ALDH1A1: variants seen among roughly 807,000 people sequenced by gnomAD.
ALDH1A1 encodes the protein aldehyde dehydrogenase 1 family member A1, also known as aldehyde dehydrogenase 1A1.
In ALDH1A1, 19 loss-of-function variants were observed where a neutral mutation model predicts 62.1. The observed-to-expected ratio is 0.31, with a 90% CI of 0.21 to 0.45. The LOEUF (loss-of-function observed/expected upper bound fraction) is 0.45. Among genes scored for constraint, ALDH1A1 ranks in the 20% least tolerant of loss-of-function variants. The pLI is 1.00. For synonymous variants in ALDH1A1, 231 were observed against 215.9 expected (o/e 1.07, Z -0.61); for missense variants, 521 against 607.1 (o/e 0.86, Z 1.49).
At chr9:72,937,581 A>T (rs550843071) in intron 2 of ALDH1A1, among the ~76,000 whole-genome samples, 2 of 152,286 alleles carry the variant, frequency 1.3e-5, no homozygotes, top group African/African-American at 4.8e-5. Flanking sequence ...AACATTGAAA[A>T]TCTACGCTCT....
intron 4 of ALDH1A1, among the ~76,000 whole-genome samples, chr9:72,928,485 G>A (rs900069985): frequency 2.0e-5 from 3 of 152,060 alleles, no homozygotes; most frequent in African/African-American, 7.2e-5. Context: ...ACTTATACTG[G>A]AACATGTAAA....
chr9:72,907,518 T>C (rs758422280), intron 11 of ALDH1A1, among the ~76,000 whole-genome samples: 6 of 152,142 alleles, frequency 3.9e-5, no homozygotes, highest in Non-Finnish European at 8.8e-5. Context: ...TAGTCGAAAA[T>C]ACAAAACTGA....
intron 2 of ALDH1A1, among the ~76,000 whole-genome samples, chr9:72,933,031 G>T (rs1236588066): frequency 1.3e-5 from 2 of 152,174 alleles, no homozygotes; most frequent in Non-Finnish European, 2.9e-5. Context: ...TATAAATAAA[G>T]ATGTTCTTAT....
rs4646539 is a variant in ALDH1A1 at position 72,952,371 on chromosome 9, A to G, written c.66+564T>C. Among the ~76,000 whole-genome samples the G allele has an allele frequency of 2.0e-4, 31 of 152,136 alleles. 2 individuals carry two copies. The East Asian group carries it at 5.8e-3, about 28-fold the overall frequency. ...TTACACATCTGCTCCAATGGCAACA[A>G]ACTTGGCTGAAGAAATAATGCTTTT... On this transcript the variant is annotated intron_variant, in intron 1 of 12. Coordinates refer to ENST00000297785, the MANE Select transcript of ALDH1A1 (RefSeq NM_000689.5).
chr9:72,929,763 T>G (rs1379809649), intron 3 of ALDH1A1, among the ~76,000 whole-genome samples: 1 of 152,194 alleles, frequency 6.6e-6, no homozygotes, highest in Non-Finnish European at 1.5e-5. Flanking sequence ...TAAAGCTATT[T>G]GTTTCTGTAC....
chr9:72,920,165 A>G (rs990533433), intron 7 of ALDH1A1, among the ~76,000 whole-genome samples: 2 of 152,146 alleles, frequency 1.3e-5, no homozygotes, highest in African/African-American at 4.8e-5. Flanking sequence ...GTATGTTTAG[A>G]TTTTATGTGG....
chr9:72,935,791 A>G (rs1240619395), intron 2 of ALDH1A1, among the ~76,000 whole-genome samples: 2 of 152,158 alleles, frequency 1.3e-5, no homozygotes, highest in Non-Finnish European at 2.9e-5. Flanking sequence ...CTACTTACAA[A>G]TTAAATCCCT....
intron 1 of ALDH1A1, among the ~76,000 whole-genome samples, chr9:72,940,869 G>A (rs2118568592): frequency 6.6e-6 from 1 of 152,198 alleles, no homozygotes; most frequent in Non-Finnish European, 1.5e-5. Flanking sequence ...TGGTAACTAT[G>A]AGAAATAGAC....
intron 11 of ALDH1A1, among the ~76,000 whole-genome samples, chr9:72,906,436 C>A (rs1490103279): frequency 6.6e-6 from 1 of 152,168 alleles, no homozygotes; most frequent in Non-Finnish European, 1.5e-5. Context: ...CTGTACTTAA[C>A]AGGCTAGAAT....
chr9:72,946,751 C>A (rs969459653), intron 1 of ALDH1A1, among the ~76,000 whole-genome samples: 6 of 151,902 alleles, frequency 3.9e-5, no homozygotes, highest in Admixed American at 3.3e-4. Flanking sequence ...TGCACCCCCC[C>A]ACACCACCAT....
At chr9:72,945,851 A>C (rs992225916) in intron 1 of ALDH1A1, among the ~76,000 whole-genome samples, 7 of 152,118 alleles carry the variant, frequency 4.6e-5, no homozygotes, top group African/African-American at 1.7e-4. Context: ...AAAATTTTTA[A>C]CTGTCATCAA....
chr9:72,908,029 G>A (rs1024546231), intron 11 of ALDH1A1, among the ~76,000 whole-genome samples: 1 of 152,002 alleles, frequency 6.6e-6, no homozygotes, highest in Non-Finnish European at 1.5e-5. Flanking sequence ...TTGTGTTAAT[G>A]TATACCCTCC....
At chr9:72,909,155 CTTTTTTTT>C (rs5898281) in intron 11 of ALDH1A1, among the ~76,000 whole-genome samples, 2 of 75,534 alleles carry the variant, frequency 2.6e-5, no homozygotes, top group African/African-American at 1.1e-4. Flanking sequence ...TCCAATACAG[CTTTTTTTT>C]TTTTTTTTTT....
At chr9:72,916,740 A>G (rs1054772763) in intron 9 of ALDH1A1, among the ~76,000 whole-genome samples, 180 bp downstream of exon 9, 3 of 152,194 alleles carry the variant, frequency 2.0e-5, no homozygotes, top group South Asian at 2.1e-4. Context: ...GGGCAACACA[A>G]AAACAGGATG....
Position 72,925,372 on chromosome 9 carries a change from G to T in ALDH1A1, c.633+112C>A, listed in dbSNP as rs557546236. On this transcript the variant is annotated intron_variant, in intron 6 of 12. Coordinates refer to ENST00000297785, the MANE Select transcript of ALDH1A1 (RefSeq NM_000689.5). Reference sequence around the variant, plus strand: ...TCATGCTAAATGTATTCCCCCCACTGGACAGGAGCCATCTGTAAATAATGT... The same window carrying T: ...TCATGCTAAATGTATTCCCCCCACTTGACAGGAGCCATCTGTAAATAATGT... 1.6e-3 allele frequency: 2,085 copies of T among 1,294,576 alleles called. 2 individuals carry two copies. The highest frequency in any genetic ancestry group is 1.9e-3 in the Non-Finnish European group (1,835 of 944,218). 80.2% of individuals were successfully genotyped at this position (1,294,576 alleles called of 1,614,324 possible). A position where few individuals can be genotyped will look rare whatever the true frequency, so the allele number is the denominator to read the frequency against.
chr9:72,922,226 A>G (rs879816154), intron 7 of ALDH1A1, among the ~76,000 whole-genome samples: 2 of 152,172 alleles, frequency 1.3e-5, no homozygotes, highest in Admixed American at 1.3e-4. Context: ...CAACTCAGTA[A>G]ATTTGATCTC....
chr9:72,909,900 A>G, intron 10 of ALDH1A1, 141 bp from the exon 11 acceptor site: 3 of 653,270 alleles, frequency 4.6e-6, no homozygotes, highest in Non-Finnish European at 7.2e-6. Context: ...GTGAGAATCC[A>G]AATAGGTAAC....
At chr9:72,924,611 G>A (rs1240207001) in intron 6 of ALDH1A1, among the ~76,000 whole-genome samples, 1 of 152,146 alleles carries the variant, frequency 6.6e-6, no homozygotes, top group Non-Finnish European at 1.5e-5. Flanking sequence ...AAATTGTTAA[G>A]TAAATACTGT....
chr9:72,915,605 A>G (rs1348127389), intron 9 of ALDH1A1, among the ~76,000 whole-genome samples: 1 of 152,218 alleles, frequency 6.6e-6, no homozygotes, highest in Non-Finnish European at 1.5e-5. Context: ...TACAAAATAT[A>G]ATGGGATTAA....
Sources: allele counts gnomAD v4.1 joint callset (sites outside exome capture counted in the v4.1 genomes callset), GRCh38; gene constraint gnomAD v4.1.1; transcripts MANE v1.5; gene names NCBI Gene and HGNC (gene_info 2026-07-23, HGNC 2026-07-21).